The following USP40 variants were observed in gnomAD, a reference collection of about 807,000 sequenced individuals.
USP40 encodes the protein ubiquitin carboxyl-terminal hydrolase 40.
In USP40, 143 loss-of-function variants were observed where a neutral mutation model predicts 166.2. The ratio of observed to expected loss-of-function variants is 0.86; its 90% CI spans 0.75 to 0.99. The LOEUF is 0.99. Ranked by LOEUF, USP40 falls within the 50% of genes least tolerant of loss-of-function variation. The pLI, the probability that USP40 is intolerant of heterozygous loss-of-function variation, is 0.00. For missense variants in USP40, 1,444 were observed against 1,479.7 expected (o/e 0.98, Z 0.40); for synonymous variants, 498 against 524.0 (o/e 0.95, Z 0.68).
intron 25 of USP40, 66 bp from the exon 26 acceptor site, chr2:233,491,327 T>A (rs1362531421): frequency 8.8e-7 from 1 of 1,134,124 alleles, no homozygotes; most frequent in East Asian, 2.5e-5. Context: ...CTGAAATACA[T>A]TGCCATGTTT....
chr2:233,477,445 G>T lies in USP40; in HGVS notation c.3658C>A (p.Arg1220=), dbSNP rs200793850. Residue 1220 remains arginine, a synonymous_variant, in exon 32 of 32, where the codon CGG becomes AGG. Transcript: ENST00000678225. ...AGAGAAGTTTCCGGGGCTCGGGGCC[G>T]GGCAGGCGTCTCTGCACTGGAGAGG... ...YILSSAETPA[R]PRAPETSLSI... The T allele has an allele frequency of 6.2e-7, 1 of 1,613,768 alleles. No individual in the cohort carries two copies. The highest frequency in any genetic ancestry group is 2.2e-5 in the East Asian group (1 of 44,874).
chr2:233,543,475 A>G (rs2069610237), intron 8 of USP40, among the ~76,000 whole-genome samples: 1 of 152,224 alleles, frequency 6.6e-6, no homozygotes, highest in African/African-American at 2.4e-5. Context: ...TGGCCAGAGT[A>G]GTTAGGTTCC....
chr2:233,505,005 AT>A (rs1559233317), intron 21 of USP40, among the ~76,000 whole-genome samples: 1 of 152,082 alleles, frequency 6.6e-6, no homozygotes, highest in Non-Finnish European at 1.5e-5. Flanking sequence ...CATATCAAGT[AT>A]TTTTTCTAAC....
Position 233,476,989 on chromosome 2 carries a change from C to T in USP40, c.*403G>A, listed in dbSNP as rs1450581375. On this transcript the variant is annotated 3_prime_UTR_variant, in exon 32 of 32. Transcript: ENST00000678225. ...GCCGGTCAGGGCGAACGAGAGTCAT[C>T]TGAACACGGAGGAAAGTGGCTGGCC... 1.5e-5 allele frequency: 5 copies of T among 328,248 alleles called. No individual in the cohort carries two copies. The highest frequency in any genetic ancestry group is 2.9e-5 in the Non-Finnish European group (5 of 169,596). 20.3% of individuals were successfully genotyped at this position (328,248 alleles called of 1,614,324 possible).
rs74375154 is a variant in USP40, at chr2:233,518,666, G to A, written c.2383+948C>T. Among the ~76,000 whole-genome samples, 6 of 152,124 alleles carry A rather than the reference G, an allele frequency of 3.9e-5. No homozygotes were observed. The East Asian group carries it at 1.2e-3, about 29-fold the overall frequency. ...CACACTGCTAGTGGGAGTATAAATGGTTCAGTCACTTTGGATAATAGTGCG... is the reference window on the plus strand; with the variant it reads ...CACACTGCTAGTGGGAGTATAAATGATTCAGTCACTTTGGATAATAGTGCG... On this transcript the variant is annotated intron_variant, in intron 18 of 31. Transcript: ENST00000678225.
Position 233,547,550 on chromosome 2 carries a change from AG to A in USP40, c.966+1550del, listed in dbSNP as rs1228542346. On this transcript the variant is annotated intron_variant, in intron 8 of 31. Coordinates refer to ENST00000678225, the MANE Select transcript of USP40 (RefSeq NM_001365479.2). ...ACAACAGCATTAACTTTCTGATAACAGGAAGCTATGCTTTAAGCATTTTACA... is the reference window on the plus strand; with the variant it reads ...ACAACAGCATTAACTTTCTGATAACAGAAGCTATGCTTTAAGCATTTTACA... Among the ~76,000 whole-genome samples, 6 of 152,326 alleles carry A rather than the reference AG, an allele frequency of 3.9e-5. No homozygotes were observed. In the East Asian group the frequency reaches 1.2e-3, roughly 29 times the overall value.
chr2:233,482,354 A>T (rs1397362072), intron 30 of USP40, among the ~76,000 whole-genome samples: 2 of 146,902 alleles, frequency 1.4e-5, no homozygotes, highest in African/African-American at 2.5e-5. Flanking sequence ...ACAGAGTGAG[A>T]CTCTGTCTCA....
intron 25 of USP40, among the ~76,000 whole-genome samples, chr2:233,491,626 GTGTGTGTGTC>G (rs1465141489): frequency 1.3e-5 from 2 of 149,508 alleles, no homozygotes; most frequent in African/African-American, 2.5e-5. Flanking sequence ...GTGTGTGTGT[GTGTGTGTGTC>G]TGTCTGTCTG....
chr2:233,511,748 T>C lies in USP40; in HGVS notation c.2487A>G (p.Ser829=), dbSNP rs761199494. 7.4e-6 allele frequency: 12 copies of C among 1,612,510 alleles called. No individual in the cohort carries two copies. The highest frequency in any genetic ancestry group is 1.0e-5 in the Non-Finnish European group (12 of 1,179,378). The change falls in exon 20 of 32, where the codon TCA becomes TCG. Residue 829 remains serine, a synonymous_variant. Transcript: ENST00000678225. ...LKEAELKMGS[S]LGLCLGKAPS... ...GTGCTTTTCCAAGACACAGTCCCAATGAACTTCCCATCTTCAATTCTGCTT... is the reference window on the plus strand; with the variant it reads ...GTGCTTTTCCAAGACACAGTCCCAACGAACTTCCCATCTTCAATTCTGCTT...
chr2:233,560,028 G>A, intron 3 of USP40, 104 bp from the exon 4 acceptor site: 1 of 659,524 alleles, frequency 1.5e-6, no homozygotes, highest in Non-Finnish European at 2.4e-6. Context: ...AGTTCATTCA[G>A]GAGAAAGTTT....
rs768001361 is a variant in USP40 at position 233,523,456 on chromosome 2, A to T, written c.1915T>A (p.Cys639Ser). The part of the protein sequence containing the change: ...GGVHIQTGID[C>S]EPLLLNVLHL... ...AGAACATTTAAAAGTAGAGGTTCGCAGTCAATACCAGTTTGAATGTGGACT... is the reference window on the plus strand; with the variant it reads ...AGAACATTTAAAAGTAGAGGTTCGCTGTCAATACCAGTTTGAATGTGGACT... Residue 639 changes from cysteine to serine, a missense_variant, in exon 16 of 32, where the codon TGC (cysteine) becomes AGC (serine). Coordinates refer to ENST00000678225, the MANE Select transcript of USP40 (RefSeq NM_001365479.2). 46 of 1,613,766 alleles carry T rather than the reference A, an allele frequency of 2.9e-5. No individual in the cohort carries two copies. Among genetic ancestry groups the T allele is most frequent in the Non-Finnish European group, 3.8e-5 (45 of 1,179,810 alleles).
intron 11 of USP40, among the ~76,000 whole-genome samples, chr2:233,531,105 T>C (rs1423675741): frequency 6.6e-6 from 1 of 152,202 alleles, no homozygotes; most frequent in Non-Finnish European, 1.5e-5. Context: ...CCCAGTTGTA[T>C]TTATTGAGTA....
chr2:233,485,097 T>C (rs2064862704), intron 30 of USP40, among the ~76,000 whole-genome samples: 1 of 152,236 alleles, frequency 6.6e-6, no homozygotes, highest in Non-Finnish European at 1.5e-5. Context: ...ACTGGGTTTT[T>C]AATAATAAGT....
In USP40 at chr2:233,545,676, T is replaced by A. The variant is rs571429347; in HGVS notation, c.967-3313A>T. 8.1e-5 allele frequency: 15 copies of A among 184,190 alleles called. No individual in the cohort carries two copies. In the South Asian group the frequency reaches 1.6e-3, roughly 20 times the overall value. 11.4% of individuals were successfully genotyped at this position (184,190 alleles called of 1,614,324 possible). ...ATGTTGGCTTTAACCCAGAGAAAAT[T>A]ACACGAGATTGGTCCTGAAAACTAC... On this transcript the variant is annotated intron_variant, in intron 8 of 31. Transcript: ENST00000678225.
At position 233,510,039 on chromosome 2, in the gene USP40, A is replaced by C. The variant is rs1233438465; in HGVS notation, c.2613+10T>G. ...CACAGCCTCTGAAAACAAAAGGTAAAATTACTTACATCTCTCACAGATATT... is the reference window on the plus strand; with the variant it reads ...CACAGCCTCTGAAAACAAAAGGTAACATTACTTACATCTCTCACAGATATT... On this transcript the variant is annotated intron_variant, in intron 21 of 31. Coordinates refer to ENST00000678225, the MANE Select transcript of USP40 (RefSeq NM_001365479.2). 6.4e-7 allele frequency: 1 copy of C among 1,567,868 alleles called. No homozygotes were observed. The highest frequency in any genetic ancestry group is 2.3e-5 in the East Asian group (1 of 43,090).
chr2:233,558,626 T>A (rs557394067), intron 4 of USP40, among the ~76,000 whole-genome samples: 64 of 152,324 alleles, frequency 4.2e-4, no homozygotes, highest in Admixed American at 3.7e-3. Context: ...GGAAAGTTAC[T>A]GCTAACGGGT....
intron 11 of USP40, among the ~76,000 whole-genome samples, chr2:233,532,179 T>A (rs1227795656): frequency 6.6e-6 from 1 of 152,196 alleles, no homozygotes; most frequent in Non-Finnish European, 1.5e-5. Flanking sequence ...TGATTGCTGG[T>A]AGGGTCTTCG....
chr2:233,509,952 T>C, intron 21 of USP40, 97 bp downstream of exon 21: 4 of 932,094 alleles, frequency 4.3e-6, no homozygotes, highest in Non-Finnish European at 5.1e-6. Flanking sequence ...TCAGGCCTAG[T>C]TTAGGACCTC....
Position 233,540,692 on chromosome 2 carries a change from C to A in USP40, c.1140G>T (p.Lys380Asn), listed in dbSNP as rs368611872. Residue 380 changes from lysine to asparagine, a missense_variant, in exon 10 of 32, where the codon AAG becomes AAT. Physicochemically the swap from Lys to Asn is moderately conservative, Grantham distance 94. Coordinates refer to ENST00000678225, the MANE Select transcript of USP40 (RefSeq NM_001365479.2). ...GCAGTGGTCCATGCTGTTTTCTGTA[C>A]TTCTTGTTCCAAGATATTCCTATCT... ...LKKIGISWNK[K>N]YRKQHGPLRK... The A allele has an allele frequency of 3.7e-6, 6 of 1,612,802 alleles. No homozygotes were observed. Among genetic ancestry groups the A allele is most frequent in the Non-Finnish European group, 5.1e-6 (6 of 1,179,218 alleles).
Sources: allele counts gnomAD v4.1 joint callset (sites outside exome capture counted in the v4.1 genomes callset), GRCh38; gene constraint gnomAD v4.1.1; transcripts MANE v1.5; gene names NCBI Gene and HGNC (gene_info 2026-07-23, HGNC 2026-07-21).